CPNE4: variants seen among roughly 807,000 people sequenced by gnomAD.
The protein encoded by CPNE4 is copine 4.
CPNE4 carries 25 observed loss-of-function variants against 67.9 expected under a neutral mutation model. The ratio of observed to expected loss-of-function variants is 0.37; its 90% CI spans 0.27 to 0.51. The LOEUF is 0.51. Among genes scored for constraint, CPNE4 ranks in the 20% least tolerant of loss-of-function variants. The probability of loss-of-function intolerance (pLI) is 0.93; values close to 1 mark genes in which losing one functional copy is unlikely to be tolerated. For synonymous variants in CPNE4, 242 were observed against 244.9 expected (o/e 0.99, Z 0.11); for missense variants, 464 against 690.8 (o/e 0.67, Z 3.68).
intron 5 of CPNE4, among the ~76,000 whole-genome samples, chr3:131,689,266 G>A (rs1337134038): frequency 6.6e-6 from 1 of 152,124 alleles, no homozygotes; most frequent in African/African-American, 2.4e-5. Context: ...AGGACCTGGT[G>A]AATGGGAAGT....
chr3:131,909,941 G>C (rs2088914934), intron 1 of CPNE4, among the ~76,000 whole-genome samples: 1 of 151,962 alleles, frequency 6.6e-6, no homozygotes, highest in African/African-American at 2.4e-5. Flanking sequence ...AAATTTTATG[G>C]ATCACTTCTT....
intron 11 of CPNE4, among the ~76,000 whole-genome samples, chr3:131,558,120 G>T (rs1936565613): frequency 6.6e-6 from 1 of 151,924 alleles, no homozygotes; most frequent in East Asian, 1.9e-4. Flanking sequence ...TTCAAGAGTA[G>T]GAAGGTAGGG....
chr3:131,672,746 C>G (rs2080455322), intron 6 of CPNE4, among the ~76,000 whole-genome samples: 1 of 152,032 alleles, frequency 6.6e-6, no homozygotes, highest in African/African-American at 2.4e-5. Context: ...AACCCCCTGT[C>G]AGATGGATAG....
At chr3:131,615,889 T>TCACACACACACACACA (rs1317031280) in intron 7 of CPNE4, among the ~76,000 whole-genome samples, 2 of 100,266 alleles carry the variant, frequency 2.0e-5, no homozygotes, top group African/African-American at 1.3e-4. Flanking sequence ...CATCTCTCTC[T>TCACACACACACACACA]CTCACACACA....
chr3:131,801,205 A>ATCAGTAC (rs1424264977), intron 2 of CPNE4, among the ~76,000 whole-genome samples: 1 of 151,526 alleles, frequency 6.6e-6, no homozygotes, highest in Non-Finnish European at 1.5e-5. Context: ...AGGCCAATCA[A>ATCAGTAC]TCAGTACTCA....
intron 2 of CPNE4, among the ~76,000 whole-genome samples, chr3:131,756,520 C>G (rs1300282417): frequency 1.3e-5 from 2 of 152,168 alleles, no homozygotes; most frequent in Non-Finnish European, 2.9e-5. Context: ...TATCATTCAT[C>G]CATGCTCTAC....
chr3:132,035,831 C>G (rs554874631), upstream of CPNE4, among the ~76,000 whole-genome samples: 18 of 152,302 alleles, frequency 1.2e-4, no homozygotes, highest in African/African-American at 3.8e-4. Context: ...AAGTGAATGA[C>G]GGTCTCTTTC....
At chr3:131,774,019 A>G (rs369021262) in intron 2 of CPNE4, among the ~76,000 whole-genome samples, 9 of 152,258 alleles carry the variant, frequency 5.9e-5, no homozygotes, top group East Asian at 1.9e-4. Flanking sequence ...CTTTGTGCCT[A>G]ATGTTTTAAA....
chr3:131,745,886 G>A (rs539423774), intron 2 of CPNE4, among the ~76,000 whole-genome samples: 1 of 152,030 alleles, frequency 6.6e-6, no homozygotes, highest in African/African-American at 2.4e-5. Context: ...TACTTCTTTT[G>A]TTATTTAGAA....
At chr3:131,757,200 G>A (rs1440733877) in intron 2 of CPNE4, among the ~76,000 whole-genome samples, 2 of 152,188 alleles carry the variant, frequency 1.3e-5, no homozygotes, top group African/African-American at 2.4e-5. Context: ...ACAGTTTGAA[G>A]GGCTGAGAAG....
chr3:131,917,760 A>G (rs188324517), intron 1 of CPNE4, among the ~76,000 whole-genome samples: 45 of 152,318 alleles, frequency 3.0e-4, no homozygotes, highest in Non-Finnish European at 1.0e-4. Context: ...AGAAGGGAAC[A>G]TTGGCTGAAT....
intron 2 of CPNE4, among the ~76,000 whole-genome samples, chr3:131,812,991 A>C (rs1257012331): frequency 1.3e-5 from 2 of 152,224 alleles, no homozygotes; most frequent in Non-Finnish European, 2.9e-5. Context: ...TACTTAAAGA[A>C]AACTTATTCT....
intron 7 of CPNE4, among the ~76,000 whole-genome samples, chr3:131,669,049 G>T (rs896056033): frequency 2.0e-5 from 3 of 152,112 alleles, no homozygotes; most frequent in Non-Finnish European, 4.4e-5. Context: ...GTCTTATGGG[G>T]CTCTGTTCTT....
intron 10 of CPNE4, among the ~76,000 whole-genome samples, chr3:131,570,050 C>T (rs193275261): frequency 8.0e-6 from 1 of 125,680 alleles, no homozygotes; most frequent in Non-Finnish European, 1.6e-5. Flanking sequence ...AACATGACCT[C>T]ATGTTATTAT....
intron 3 of CPNE4, among the ~76,000 whole-genome samples, chr3:131,710,922 C>A (rs1266001011): frequency 6.6e-6 from 1 of 152,172 alleles, no homozygotes; most frequent in Non-Finnish European, 1.5e-5. Flanking sequence ...TCCTTTGCCA[C>A]TTCAGGAGGC....
At chr3:131,597,807 G>A (rs1938977608) in intron 7 of CPNE4, among the ~76,000 whole-genome samples, 1 of 152,084 alleles carries the variant, frequency 6.6e-6, no homozygotes, top group African/African-American at 2.4e-5. Context: ...CTAATTACAT[G>A]GTAATCACTG....
intron 11 of CPNE4, among the ~76,000 whole-genome samples, chr3:131,563,352 A>G (rs187057828): frequency 3.2e-4 from 48 of 152,142 alleles, no homozygotes; most frequent in Non-Finnish European, 5.4e-4. Flanking sequence ...ATTTATATTT[A>G]CATTGGTTTC....
intron 1 of CPNE4, among the ~76,000 whole-genome samples, chr3:131,951,509 T>C (rs2107887280): frequency 6.6e-6 from 1 of 152,270 alleles, no homozygotes; most frequent in South Asian, 2.1e-4. Context: ...GAATTCCTTC[T>C]TCAGCCCTCT....
In CPNE4 at chr3:131,552,483, A is replaced by G; in HGVS notation, c.1125T>C (p.His375=). The G allele has an allele frequency of 6.2e-7, 1 of 1,612,500 alleles. No individual in the cohort carries two copies. The highest frequency in any genetic ancestry group is 8.5e-7 in the Non-Finnish European group (1 of 1,178,886). The change falls in exon 13 of 16, where the codon CAT becomes CAC. Residue 375 remains histidine (H), a synonymous_variant. Coordinates refer to ENST00000429747, the MANE Select transcript of CPNE4 (RefSeq NM_130808.3). ...CTTCATTAAAGTTGATTGCAAAGTC[A>G]TGAGAGACCTAGACACCGATTAAAA... ...ARIPPEYTVS[H]DFAINFNEDN... is the part of the protein sequence containing the mutation.
Sources: gnomAD v4.1 joint callset for allele counts (sites outside exome capture counted in the v4.1 genomes callset) on GRCh38, gnomAD v4.1.1 for gene constraint, MANE v1.5 for transcripts, NCBI Gene and HGNC (gene_info 2026-07-23, HGNC 2026-07-21) for gene names.